EYS: variants seen among roughly 807,000 people sequenced by gnomAD.
The protein encoded by EYS is protein eyes shut homolog.
EYS carries 250 observed loss-of-function variants against 282.1 expected under a neutral mutation model. The observed-to-expected ratio is 0.89, with a 90% confidence interval of 0.80 to 0.98. The LOEUF (loss-of-function observed/expected upper bound fraction) is 0.98, where lower values mean the gene tolerates loss of function less well. EYS is among the 50% of genes least tolerant of loss of function. The pLI is 0.00. For synonymous variants in EYS, 1,355 were observed against 1,282.9 expected, an observed-to-expected ratio of 1.06 and a Z score of -1.20; for missense variants, 4,016 against 3,709.0, an observed-to-expected ratio of 1.08 and a Z score of -2.15.
chr6:64,511,266 T>G (rs1777390651), intron 26 of EYS, among the ~76,000 whole-genome samples: 1 of 148,364 alleles, frequency 6.7e-6, no homozygotes, highest in South Asian at 2.1e-4. Flanking sequence ...ATATATCATA[T>G]GTATCATATA....
chr6:64,788,840 G>A (rs1474911179), intron 22 of EYS, among the ~76,000 whole-genome samples: 1 of 151,886 alleles, frequency 6.6e-6, no homozygotes, highest in Non-Finnish European at 1.5e-5. Flanking sequence ...TCTCTTCTTT[G>A]CTTTATGGAA....
intron 30 of EYS, among the ~76,000 whole-genome samples, chr6:64,295,054 G>T (rs1011350619): frequency 6.6e-6 from 1 of 151,688 alleles, no homozygotes; most frequent in African/African-American, 2.4e-5. Flanking sequence ...GCATTCTTGG[G>T]TTATTGGGTA....
At chr6:65,356,320 G>C (rs1216336275) in intron 8 of EYS, among the ~76,000 whole-genome samples, 7 of 151,984 alleles carry the variant, frequency 4.6e-5, no homozygotes, top group Non-Finnish European at 8.8e-5. Context: ...AAGAATATCA[G>C]AGGAAGTTGG....
intron 26 of EYS, among the ~76,000 whole-genome samples, chr6:64,439,947 C>A (rs1774879936): frequency 6.6e-6 from 1 of 151,466 alleles, no homozygotes; most frequent in South Asian, 2.1e-4. Flanking sequence ...ACCAAGTTAG[C>A]TTATTTTTGA....
Position 64,626,217 on chromosome 6 carries a change from A to C in EYS, c.3472T>G (p.Cys1158Gly). 1 of 1,533,528 alleles carries C rather than the reference A, an allele frequency of 6.5e-7. No homozygotes were observed. The highest frequency in any genetic ancestry group is 8.8e-7 in the Non-Finnish European group (1 of 1,141,918). The allele number at this position is 1,533,528 out of a possible 1,614,324, so 95.0% of individuals were successfully genotyped here. ...RCLPGFSGQF[C>G]EININECSSS... ...GAGCATTCATTTATATTAATTTCACAAAATTGACCAGAAAATCCAGGAAGA... is the reference window on the plus strand; with the variant it reads ...GAGCATTCATTTATATTAATTTCACCAAATTGACCAGAAAATCCAGGAAGA... Residue 1158 changes from cysteine to glycine, a missense_variant, in exon 23 of 43, where the codon TGT (cysteine) becomes GGT (glycine). Transcript: ENST00000503581.
intron 14 of EYS, among the ~76,000 whole-genome samples, chr6:64,968,029 G>C (rs757361392): frequency 5.9e-5 from 9 of 152,074 alleles, no homozygotes; most frequent in Admixed American, 3.3e-4. Context: ...AATGAATGAG[G>C]CCTTCAGAGG....
intron 2 of EYS, among the ~76,000 whole-genome samples, chr6:65,515,504 C>T (rs1292405704): frequency 1.3e-4 from 20 of 151,016 alleles, no homozygotes; most frequent in Non-Finnish European, 2.7e-4. Context: ...ATGTTTATTG[C>T]GGCACTATTC....
chr6:65,282,007 T>C (rs1386363978), intron 12 of EYS, among the ~76,000 whole-genome samples: 2 of 151,940 alleles, frequency 1.3e-5, no homozygotes, highest in African/African-American at 4.8e-5. Flanking sequence ...AATGAATGCT[T>C]AATATGTGGA....
chr6:64,150,082 C>T (rs1774651898), intron 31 of EYS, among the ~76,000 whole-genome samples: 1 of 152,154 alleles, frequency 6.6e-6, no homozygotes, highest in Non-Finnish European at 1.5e-5. Context: ...GATTCTAGGG[C>T]CTGGGATTCA....
chr6:64,292,305 C>T (rs562080354), intron 30 of EYS, among the ~76,000 whole-genome samples: 5 of 152,248 alleles, frequency 3.3e-5, no homozygotes, highest in African/African-American at 1.2e-4. Flanking sequence ...CCTTAAATTA[C>T]TTTTGGGAAT....
chr6:65,608,738 T>C (rs1403101214), intron 2 of EYS, among the ~76,000 whole-genome samples: 2 of 152,040 alleles, frequency 1.3e-5, no homozygotes, highest in Non-Finnish European at 1.5e-5. Context: ...ATAAGCTTTT[T>C]ATAAAAATTT....
At chr6:65,483,984 TCCCTCCCACAACACG>T (rs1456593487) in intron 5 of EYS, among the ~76,000 whole-genome samples, 1 of 151,968 alleles carries the variant, frequency 6.6e-6, no homozygotes, top group Non-Finnish European at 1.5e-5. Context: ...TCCTACCGGC[TCCCTCCCACAACACG>T]TGGGAATTCA....
chr6:63,727,737 A>G (rs368761750), intron 41 of EYS, among the ~76,000 whole-genome samples: 1 of 36,738 alleles, frequency 2.7e-5, no homozygotes, highest in African/African-American at 2.7e-4. Context: ...AAAAAAAAAA[A>G]ATATATATAT....
At chr6:65,447,175 G>T (rs1003076927) in intron 5 of EYS, among the ~76,000 whole-genome samples, 3 of 150,918 alleles carry the variant, frequency 2.0e-5, no homozygotes, top group African/African-American at 7.3e-5. Flanking sequence ...ATTAAACTTT[G>T]TTTTATTCAT....
At chr6:64,864,730 G>A (rs1296831940) in intron 19 of EYS, among the ~76,000 whole-genome samples, 5 of 151,170 alleles carry the variant, frequency 3.3e-5, no homozygotes, top group Non-Finnish European at 1.5e-5. Context: ...AGAATTTTAA[G>A]TTGACTTAGA....
intron 5 of EYS, among the ~76,000 whole-genome samples, chr6:65,407,779 GTGTGTGTA>G (rs1163530930): frequency 2.1e-4 from 31 of 146,830 alleles, no homozygotes; most frequent in African/African-American, 6.7e-4. Flanking sequence ...GTGTGTGTGT[GTGTGTGTA>G]TGTCTAACAA....
chr6:65,484,457 T>A (rs1037757467), intron 5 of EYS, among the ~76,000 whole-genome samples: 3 of 152,186 alleles, frequency 2.0e-5, no homozygotes, highest in Non-Finnish European at 4.4e-5. Context: ...GATAATATGG[T>A]AATATAACCA....
chr6:63,959,122 A>G lies in EYS; in HGVS notation c.7055+25261T>C, dbSNP rs1323521611. On this transcript the variant is annotated intron_variant, in intron 35 of 42. Coordinates refer to ENST00000503581, the MANE Select transcript of EYS (RefSeq NM_001142800.2). The stretch of plus-strand genomic sequence containing the variant: ...AAAATTTCTGCAATCTGCTTATCTG[A>G]CAAAGGTATAATATCCAGAATCTAA... 2.0e-5 allele frequency among the ~76,000 whole-genome samples: 3 copies of G among 152,322 alleles called. No individual in the cohort carries two copies. In the East Asian group the frequency reaches 5.8e-4, roughly 29 times the overall value.
chr6:63,897,791 TAG>T (rs529991974), intron 35 of EYS, among the ~76,000 whole-genome samples: 150 of 152,012 alleles, frequency 9.9e-4, no homozygotes, highest in African/African-American at 3.5e-3. Flanking sequence ...AACTTTGGAG[TAG>T]AGTTTATATG....
Sources: gnomAD v4.1 joint callset for allele counts (sites outside exome capture counted in the v4.1 genomes callset) on GRCh38, gnomAD v4.1.1 for gene constraint, MANE v1.5 for transcripts, NCBI Gene and HGNC (gene_info 2026-07-23, HGNC 2026-07-21) for gene names.